CFAP100: variants seen among roughly 807,000 people sequenced by gnomAD.
CFAP100 encodes cilia and flagella associated protein 100.
CFAP100 carries 70 observed loss-of-function variants against 81.5 expected under a neutral mutation model. The observed-to-expected ratio is 0.86, with a 90% CI of 0.71 to 1.05. The LOEUF (loss-of-function observed/expected upper bound fraction) is 1.05. Ranked by LOEUF, CFAP100 falls within the 50% of genes least tolerant of loss-of-function variation. CFAP100 has a pLI of 0.00. For synonymous variants in CFAP100, 341 were observed against 314.8 expected (o/e 1.08, Z -0.88); for missense variants, 811 against 776.5 (o/e 1.04, Z -0.53).
intron 2 of CFAP100, among the ~76,000 whole-genome samples, chr3:126,402,920 T>C (rs1006408206): frequency 6.6e-6 from 1 of 151,602 alleles, no homozygotes; most frequent in African/African-American, 2.4e-5. Context: ...CAGGGGCGGA[T>C]GGGTCCAGTG....
chr3:126,432,412 T>A (rs528615041), intron 13 of CFAP100, among the ~76,000 whole-genome samples: 2 of 151,880 alleles, frequency 1.3e-5, no homozygotes, highest in South Asian at 4.1e-4. Flanking sequence ...AGCAGCAATA[T>A]TCCCAAGAGC....
chr3:126,419,057 CCCGCCG>C lies in CFAP100; in HGVS notation c.651-16_651-11del. The C allele has an allele frequency of 7.0e-7, 1 of 1,432,384 alleles. No homozygotes were observed. Among genetic ancestry groups the C allele is most frequent in the Non-Finnish European group, 9.5e-7 (1 of 1,056,390 alleles). 88.7% of individuals were successfully genotyped at this position (1,432,384 alleles called of 1,614,324 possible). A position where few individuals can be genotyped will look rare whatever the true frequency, so the allele number is the denominator to read the frequency against. On this transcript the variant is annotated splice_polypyrimidine_tract_variant and intron_variant, in intron 7 of 16. Transcript: ENST00000352312. The stretch of plus-strand genomic sequence containing the variant: ...GGCCCCTTGCCCCCATCCCTCCTCC[CCCGCCG>C]CCCAACCCCTAGGGCTGAGAAGGAG...
At chr3:126,435,700 C>G (rs747757720) in intron 16 of CFAP100, 48 bp downstream of exon 16, 23 of 1,468,078 alleles carry the variant, frequency 1.6e-5, no homozygotes, top group Non-Finnish European at 2.1e-5. Flanking sequence ...GGTCCCAAGA[C>G]AGCATGGCAG....
chr3:126,417,416 G>T (rs1019077625), intron 5 of CFAP100, among the ~76,000 whole-genome samples: 3 of 152,196 alleles, frequency 2.0e-5, no homozygotes, highest in Admixed American at 2.0e-4. Flanking sequence ...GAGTCCTGGC[G>T]CACAGGGGAT....
intron 2 of CFAP100, among the ~76,000 whole-genome samples, chr3:126,405,234 T>C (rs1416606020): frequency 6.6e-6 from 1 of 152,222 alleles, no homozygotes; most frequent in Non-Finnish European, 1.5e-5. Flanking sequence ...TATTTGTCCT[T>C]TGGGGCTGGC....
At position 126,405,298 on chromosome 3, in the gene CFAP100, C is replaced by A. The variant is rs77823351; in HGVS notation, c.50-1874C>A. On this transcript the variant is annotated intron_variant, in intron 2 of 16. Transcript: ENST00000352312. ...GTTCATTTCTGTTTTTGTGTGTAAG[C>A]AGGTGAGCTTTTTAGTGAAAAACCA... Among the ~76,000 whole-genome samples the A allele has an allele frequency of 1.1e-3, 174 of 152,248 alleles. 4 individuals carry two copies. In the East Asian group the frequency reaches 0.031, roughly 27 times the overall value.
In CFAP100 at chr3:126,420,137, G is replaced by A; in HGVS notation, c.990G>A (p.Leu330=). The A allele has an allele frequency of 6.2e-7, 1 of 1,613,322 alleles. No individual in the cohort carries two copies. The highest frequency in any genetic ancestry group is 8.5e-7 in the Non-Finnish European group (1 of 1,180,022). Residue 330 remains leucine, a synonymous_variant, in exon 11 of 17, where the codon CTG becomes CTA. Transcript: ENST00000352312. ...GQGTKKPWRF[L]QTMRLGRSPS... is the part of the protein sequence containing the mutation. ...GTACAAAGAAGCCCTGGAGGTTTCT[G>A]CAGACGATGCGGCTGGGGCGGAGCC...
intron 2 of CFAP100, among the ~76,000 whole-genome samples, chr3:126,400,539 G>A (rs2082957822): frequency 1.3e-5 from 2 of 152,208 alleles, no homozygotes; most frequent in Admixed American, 1.3e-4. Flanking sequence ...GGATCACGAG[G>A]TCAGGAGATT....
chr3:126,435,527 C>T, intron 15 of CFAP100, 32 bp from the exon 16 acceptor site: 1 of 1,588,580 alleles, frequency 6.3e-7, no homozygotes, highest in Middle Eastern at 1.7e-4. Flanking sequence ...TCCAGGTCCC[C>T]CCAGTTTTCA....
chr3:126,418,395 C>A (rs1438001950), intron 5 of CFAP100, 63 bp from the exon 6 acceptor site: 2 of 1,510,478 alleles, frequency 1.3e-6, no homozygotes, highest in Non-Finnish European at 1.8e-6. Context: ...CCTCTGCAGA[C>A]CTGCCAGGCC....
intron 3 of CFAP100, among the ~76,000 whole-genome samples, chr3:126,410,852 A>G (rs537286030): frequency 6.6e-6 from 1 of 152,232 alleles, no homozygotes; most frequent in Non-Finnish European, 1.5e-5. Flanking sequence ...CTGCTGTGAC[A>G]AATCACCACA....
In CFAP100 at chr3:126,414,369, C is replaced by A. The variant is rs6775126; in HGVS notation, c.225+190C>A. 9.3e-4 allele frequency: 642 copies of A among 691,004 alleles called. 3 individuals are homozygous for A. In the African/African-American group the frequency reaches 9.3e-3, roughly 10 times the overall value. 42.8% of individuals were successfully genotyped at this position (691,004 alleles called of 1,614,324 possible). A position where few individuals can be genotyped will look rare whatever the true frequency, so the allele number is the denominator to read the frequency against. ...CCTGGCTCTCAGGACTCACAGCATC[C>A]CACCCATCTTCCCGTCTGTCACCAC... On this transcript the variant is annotated intron_variant, in intron 4 of 16. Transcript: ENST00000352312.
chr3:126,418,431 C>T, intron 5 of CFAP100, 27 bp from the exon 6 acceptor site: 1 of 1,612,882 alleles, frequency 6.2e-7, no homozygotes, highest in Non-Finnish European at 8.5e-7. Context: ...CTTCCCGCTC[C>T]TGCTCACCTC....
At chr3:126,423,252 C>A in intron 11 of CFAP100, 73 bp from the exon 12 acceptor site, 1 of 1,305,726 alleles carries the variant, frequency 7.7e-7, no homozygotes, top group East Asian at 2.4e-5. Flanking sequence ...CCTTCAAGAC[C>A]TCTGTGCCCC....
intron 3 of CFAP100, among the ~76,000 whole-genome samples, chr3:126,409,366 A>G (rs370774450): frequency 1.6e-4 from 24 of 152,240 alleles, no homozygotes; most frequent in African/African-American, 4.6e-4. Flanking sequence ...TATTCTTTCC[A>G]TTGCTGGTGA....
intron 13 of CFAP100, among the ~76,000 whole-genome samples, chr3:126,429,667 T>C (rs1253397913): frequency 6.6e-6 from 1 of 151,512 alleles, no homozygotes; most frequent in Non-Finnish European, 1.5e-5. Context: ...GAGCATCTTA[T>C]AATAGTCTAT....
At chr3:126,396,511 G>A (rs77584965) in intron 2 of CFAP100, 3,089 of 169,374 alleles carry the variant, frequency 0.018, 44 homozygotes, top group Non-Finnish European at 0.025. Context: ...CATTGGATTG[G>A]AGGCCTACCC....
rs532277117 is a variant in CFAP100, at chr3:126,435,101, C to T, written c.1629-458C>T. ...AGCACAGGGGCTTCTCCTCTGGGTC[C>T]CTGGTACCCTGCTCAGAGTGGGCAC... On this transcript the variant is annotated intron_variant, in intron 15 of 16. Coordinates refer to ENST00000352312, the MANE Select transcript of CFAP100 (RefSeq NM_182628.3). Among the ~76,000 whole-genome samples, 5 of 152,276 alleles carry T rather than the reference C, an allele frequency of 3.3e-5. No individual in the cohort carries two copies. The East Asian group carries it at 9.6e-4, about 29-fold the overall frequency.
Position 126,419,166 on chromosome 3 carries a change from G to A in CFAP100, c.731+10G>A. The A allele has an allele frequency of 1.9e-6, 3 of 1,538,870 alleles. No individual in the cohort carries two copies. Among genetic ancestry groups the A allele is most frequent in the Non-Finnish European group, 2.6e-6 (3 of 1,138,954 alleles). Reference sequence around the variant, plus strand: ...TTGTTAATATCAAAAGGTGAGGTCAGAGGGCATGCTGGCCATTGGCTGGCC... The same window carrying A: ...TTGTTAATATCAAAAGGTGAGGTCAAAGGGCATGCTGGCCATTGGCTGGCC... On this transcript the variant is annotated intron_variant, in intron 8 of 16. Coordinates refer to ENST00000352312, the MANE Select transcript of CFAP100 (RefSeq NM_182628.3).
Sources: allele counts gnomAD v4.1 joint callset (sites outside exome capture counted in the v4.1 genomes callset), GRCh38; gene constraint gnomAD v4.1.1; transcripts MANE v1.5; gene names NCBI Gene and HGNC (gene_info 2026-07-23, HGNC 2026-07-21).